Variants in CNIH4 observed in about 807,000 individuals in gnomAD.
CNIH4 encodes the protein cornichon family member 4.
A neutral mutation model predicts 21.5 loss-of-function variants in CNIH4; 9 were observed. The ratio of observed to expected loss-of-function variants is 0.42; its 90% CI spans 0.25 to 0.73. CNIH4 has a LOEUF of 0.73. Among genes scored for constraint, CNIH4 ranks in the 30% least tolerant of loss-of-function variants. CNIH4 has a pLI of 0.27. For missense variants in CNIH4, 159 were observed against 170.0 expected, an observed-to-expected ratio of 0.94 and a Z score of 0.36; for synonymous variants, 67 against 59.1, an observed-to-expected ratio of 1.13 and a Z score of -0.61.
chr1:224,367,909 A>C lies in CNIH4; in HGVS notation c.251+1918A>C, dbSNP rs56830662. ...GGGACTCGAATCTTTGAGAATGAGG[A>C]TCTTAATGTTATACCAGACCATACT... On this transcript the variant is annotated intron_variant, in intron 3 of 4. Coordinates refer to ENST00000465271, the MANE Select transcript of CNIH4 (RefSeq NM_014184.4). 5.5e-3 allele frequency among the ~76,000 whole-genome samples: 835 copies of C among 152,346 alleles called. 7 individuals are homozygous for C. Among genetic ancestry groups the C allele is most frequent in the African/African-American group, 0.019 (800 of 41,578 alleles).
rs961446513 is a variant in CNIH4 at position 224,379,030 on chromosome 1, G to A, written c.*3208G>A. On this transcript the variant is annotated 3_prime_UTR_variant, in exon 5 of 5. Coordinates refer to ENST00000465271, the MANE Select transcript of CNIH4 (RefSeq NM_014184.4). ...AGTGCTCCTATGTGCATCTTAGTAC[G>A]TATCATTTTCCCTTGCCTTTTTCCT... is the stretch of plus-strand genomic sequence containing the variant. The A allele has an allele frequency of 1.6e-5, 25 of 1,548,182 alleles. No individual in the cohort carries two copies. Among genetic ancestry groups the A allele is most frequent in the Middle Eastern group, 1.7e-4 (1 of 6,008 alleles).
chr1:224,379,255 ATAGT>A lies in CNIH4; in HGVS notation c.*3434_*3437del. 1 of 667,670 alleles carries A rather than the reference ATAGT, an allele frequency of 1.5e-6. No homozygotes were observed. Among genetic ancestry groups the A allele is most frequent in the Non-Finnish European group, 2.6e-6 (1 of 380,426 alleles). The allele number at this position is 667,670 out of a possible 1,614,324, so 41.4% of individuals were successfully genotyped here. A position where few individuals can be genotyped will look rare whatever the true frequency, so the allele number is the denominator to read the frequency against. On this transcript the variant is annotated 3_prime_UTR_variant, in exon 5 of 5. Transcript: ENST00000465271. ...AAGTTAAGAGCTAAGAAAGCTTCCT[ATAGT>A]AGTATCTCCCATGGCACTTACCACA...
intron 4 of CNIH4, among the ~76,000 whole-genome samples, chr1:224,375,227 G>A (rs1672745605): frequency 6.6e-6 from 1 of 152,182 alleles, no homozygotes; most frequent in African/African-American, 2.4e-5. Context: ...CATCTCAAGA[G>A]TTGCTCATAG....
At chr1:224,362,728 C>T (rs1442433136) in intron 2 of CNIH4, among the ~76,000 whole-genome samples, 5 of 152,224 alleles carry the variant, frequency 3.3e-5, no homozygotes, top group African/African-American at 7.2e-5. Context: ...CTCCTGACCT[C>T]GTAATCTGCC....
intron 3 of CNIH4, among the ~76,000 whole-genome samples, chr1:224,368,147 C>T (rs929268719): frequency 1.1e-4 from 17 of 152,088 alleles, no homozygotes; most frequent in South Asian, 2.1e-4. Flanking sequence ...CCCTGGCTAA[C>T]GTGGAGAAAC....
chr1:224,371,464 G>T (rs765520579), intron 4 of CNIH4, 41 bp downstream of exon 4: 11 of 1,585,230 alleles, frequency 6.9e-6, no homozygotes, highest in Admixed American at 3.6e-5. Flanking sequence ...TGCCATATTT[G>T]TTTTTGAAGG....
At chr1:224,365,071 A>G (rs1672412137) in intron 2 of CNIH4, among the ~76,000 whole-genome samples, 3 of 152,232 alleles carry the variant, frequency 2.0e-5, no homozygotes, top group Admixed American at 2.0e-4. Context: ...TTGCTCTGCC[A>G]TTATTTAGCT....
chr1:224,363,275 A>G (rs1037317118), intron 2 of CNIH4, among the ~76,000 whole-genome samples: 1 of 151,694 alleles, frequency 6.6e-6, no homozygotes, highest in African/African-American at 2.4e-5. Flanking sequence ...GACTCCTGAC[A>G]TCAGGTGATC....
rs953846686 is a variant in CNIH4, at chr1:224,373,695, G to A, written c.393-2100G>A. On this transcript the variant is annotated intron_variant, in intron 4 of 4. Transcript: ENST00000465271. ...ATACAAAAATTGGCCAGGTGTGGTG[G>A]CGGGCGCCTGTAATCCCAGCTACTC... Among the ~76,000 whole-genome samples, 4 of 152,220 alleles carry A rather than the reference G, an allele frequency of 2.6e-5. No individual in the cohort carries two copies. The East Asian group carries it at 7.7e-4, about 29-fold the overall frequency.
intron 1 of CNIH4, among the ~76,000 whole-genome samples, chr1:224,358,773 C>T (rs1243807481): frequency 6.6e-6 from 1 of 152,110 alleles, no homozygotes; most frequent in Non-Finnish European, 1.5e-5. Flanking sequence ...TTTTAAATAG[C>T]CCTGGTTTAC....
chr1:224,373,895 G>A (rs1672708002), intron 4 of CNIH4, among the ~76,000 whole-genome samples: 1 of 152,142 alleles, frequency 6.6e-6, no homozygotes, highest in Admixed American at 6.6e-5. Flanking sequence ...TTTGGGGCAG[G>A]TTTAAGATAT....
intron 3 of CNIH4, among the ~76,000 whole-genome samples, chr1:224,369,899 C>T (rs1012839718): frequency 2.0e-5 from 3 of 151,988 alleles, no homozygotes; most frequent in Non-Finnish European, 2.9e-5. Context: ...TGGTCTTGAA[C>T]TCAACCTCAG....
upstream of CNIH4, chr1:224,356,856 G>T: frequency 7.5e-7 from 1 of 1,336,584 alleles, no homozygotes; most frequent in Admixed American, 1.9e-5. Context: ...CCCGGCAAGG[G>T]CCTATCAGGG....
chr1:224,369,210 TAAG>T (rs1291188673), intron 3 of CNIH4, among the ~76,000 whole-genome samples: 3 of 152,208 alleles, frequency 2.0e-5, no homozygotes, highest in Non-Finnish European at 2.9e-5. Context: ...GCACTGGAAG[TAAG>T]AATTAATATG....
chr1:224,370,928 G>T (rs915466553), intron 3 of CNIH4, among the ~76,000 whole-genome samples: 1 of 150,940 alleles, frequency 6.6e-6, no homozygotes, highest in East Asian at 1.9e-4. Context: ...CCAGGCTGGG[G>T]CTCAATGGCA....
At chr1:224,360,461 AAG>A (rs774313908) in intron 1 of CNIH4, 32 bp from the exon 2 acceptor site, 250 of 1,083,796 alleles carry the variant, frequency 2.3e-4, no homozygotes, top group Non-Finnish European at 3.0e-4. Context: ...GTTATTATAA[AAG>A]AAATATAATA....
chr1:224,379,081 C>T lies in CNIH4; in HGVS notation c.*3259C>T. 6.4e-7 allele frequency: 1 copy of T among 1,550,560 alleles called. No individual in the cohort carries two copies. Among genetic ancestry groups the T allele is most frequent in the Non-Finnish European group, 8.7e-7 (1 of 1,146,950 alleles). On this transcript the variant is annotated 3_prime_UTR_variant, in exon 5 of 5. Coordinates refer to ENST00000465271, the MANE Select transcript of CNIH4 (RefSeq NM_014184.4). ...TCTATCCTTTCAGTGGTAGCAACTG[C>T]CCTTGCTAATCACCGTAACCTCGGC... is the stretch of plus-strand genomic sequence containing the variant.
rs1672827137 is a variant in CNIH4 at position 224,378,039 on chromosome 1, A to G, written c.*2217A>G. 6.6e-6 allele frequency: 1 copy of G among 151,960 alleles called. No homozygotes were observed. The highest frequency in any genetic ancestry group is 2.4e-5 in the African/African-American group (1 of 41,362). 9.4% of individuals were successfully genotyped at this position (151,960 alleles called of 1,614,324 possible). A position where few individuals can be genotyped will look rare whatever the true frequency, so the allele number is the denominator to read the frequency against. ...TCTATCAAAGCCAGGAAAGTGGGGG[A>G]TCACTGTAGTTAAATTTTTTTTTTT... is the stretch of plus-strand genomic sequence containing the variant. On this transcript the variant is annotated 3_prime_UTR_variant, in exon 5 of 5. Coordinates refer to ENST00000465271, the MANE Select transcript of CNIH4 (RefSeq NM_014184.4).
At chr1:224,364,280 A>G (rs1672386594) in intron 2 of CNIH4, 1 of 985,424 alleles carries the variant, frequency 1.0e-6, no homozygotes, top group Non-Finnish European at 1.2e-6. Context: ...GTGTCTGTGT[A>G]ATACAAAGAT....
Sources: gnomAD v4.1 joint callset for allele counts (sites outside exome capture counted in the v4.1 genomes callset) on GRCh38, gnomAD v4.1.1 for gene constraint, MANE v1.5 for transcripts, NCBI Gene and HGNC (gene_info 2026-07-23, HGNC 2026-07-21) for gene names.